Variants in SLC2A9 observed in about 807,000 individuals in gnomAD.
SLC2A9 encodes the protein solute carrier family 2, facilitated glucose transporter member 9.
Under a neutral mutation model 50.6 loss-of-function variants are expected in SLC2A9, and 39 were observed. The observed-to-expected ratio is 0.77, with a 90% CI of 0.60 to 1.01. SLC2A9 has a LOEUF of 1.01. Ranked by LOEUF, SLC2A9 falls within the 50% of genes least tolerant of loss-of-function variation. SLC2A9 has a pLI of 0.00. For missense variants in SLC2A9, 686 were observed against 677.6 expected (o/e 1.01, Z -0.14); for synonymous variants, 324 against 276.9 (o/e 1.17, Z -1.69).
At chr4:9,888,502 C>T (rs568888141) in intron 9 of SLC2A9, among the ~76,000 whole-genome samples, 51 of 152,166 alleles carry the variant, frequency 3.4e-4, no homozygotes, top group South Asian at 1.0e-3. Context: ...GTTGGGATTG[C>T]TCCTGCTCTA....
intron 3 of SLC2A9, among the ~76,000 whole-genome samples, chr4:9,810,351 C>G (rs190812657): frequency 4.1e-4 from 63 of 152,270 alleles, no homozygotes; most frequent in African/African-American, 1.4e-3. Flanking sequence ...CCTTAATTTC[C>G]TCTGAGATGA....
intron 3 of SLC2A9, among the ~76,000 whole-genome samples, chr4:9,991,143 G>A (rs753241163): frequency 6.6e-6 from 1 of 152,196 alleles, no homozygotes; most frequent in Non-Finnish European, 1.5e-5. Context: ...CCCCAAGTGA[G>A]GCTAAACTTG....
At chr4:9,782,635 C>T in intron 3 of SLC2A9, 1 of 1,614,018 alleles carries the variant, frequency 6.2e-7, no homozygotes, top group Non-Finnish European at 8.5e-7. Flanking sequence ...ACTGGACGCC[C>T]TGGGAGGAGG....
intron 5 of SLC2A9, among the ~76,000 whole-genome samples, chr4:9,977,697 C>T (rs535959342): frequency 6.6e-6 from 1 of 152,242 alleles, no homozygotes; most frequent in South Asian, 2.1e-4. Context: ...AAATCCTACT[C>T]ATCCTCAAGC....
chr4:9,971,029 A>G (rs1454436675), intron 5 of SLC2A9, among the ~76,000 whole-genome samples: 2 of 152,140 alleles, frequency 1.3e-5, no homozygotes, highest in African/African-American at 2.4e-5. Flanking sequence ...CGACCCTTTC[A>G]TGTAAAATCT....
At position 9,856,679 on chromosome 4, in the gene SLC2A9, AAC is replaced by A. The variant is rs1560198627; in HGVS notation, c.1292-21673_1292-21672del. Among the ~76,000 whole-genome samples, 788 of 152,202 alleles carry A rather than the reference AAC, an allele frequency of 5.2e-3. 2 individuals carry two copies. Among genetic ancestry groups the A allele is most frequent in the Non-Finnish European group, 8.4e-3 (572 of 67,978 alleles). ...GATGCATGTGTATGTTCATTGCAGC[AAC>A]TATTCACAATAGCAAAGACATAGAG... is the stretch of plus-strand genomic sequence containing the variant. On this transcript the variant is annotated intron_variant, in intron 10 of 11. Coordinates refer to ENST00000264784, the MANE Select transcript of SLC2A9 (RefSeq NM_020041.3).
chr4:9,861,192 T>C (rs929458927), intron 10 of SLC2A9, among the ~76,000 whole-genome samples: 1 of 152,166 alleles, frequency 6.6e-6, no homozygotes, highest in Admixed American at 6.5e-5. Flanking sequence ...TCTACTCAGC[T>C]TCTGCGGAGG....
chr4:9,806,008 T>G (rs77026746), intron 3 of SLC2A9, among the ~76,000 whole-genome samples: 2,628 of 152,314 alleles, frequency 0.017, 39 homozygotes, highest in Non-Finnish European at 0.027. Context: ...CTAGGCTCTC[T>G]GGCTCCAGGG....
intron 8 of SLC2A9, among the ~76,000 whole-genome samples, chr4:9,902,306 T>C (rs985640307): frequency 6.6e-6 from 1 of 152,230 alleles, no homozygotes; most frequent in Non-Finnish European, 1.5e-5. Flanking sequence ...GACCTTTGTC[T>C]GTTTTGTCCA....
At chr4:9,971,017 C>T (rs1056708038) in intron 5 of SLC2A9, among the ~76,000 whole-genome samples, 1 of 152,168 alleles carries the variant, frequency 6.6e-6, no homozygotes, top group African/African-American at 2.4e-5. Flanking sequence ...TCAAATCAAT[C>T]ACGACCCTTT....
chr4:9,976,691 A>G (rs1239966241), intron 5 of SLC2A9, among the ~76,000 whole-genome samples: 2 of 152,240 alleles, frequency 1.3e-5, no homozygotes, highest in South Asian at 2.1e-4. Context: ...CCTTTTGGCT[A>G]GCTCAAAGCC....
intron 10 of SLC2A9, among the ~76,000 whole-genome samples, chr4:9,858,344 G>A (rs1033413974): frequency 5.9e-5 from 9 of 152,190 alleles, no homozygotes; most frequent in African/African-American, 2.2e-4. Flanking sequence ...GTGTCTTTGT[G>A]ACTGTCTAGG....
intron 7 of SLC2A9, among the ~76,000 whole-genome samples, chr4:9,919,976 T>C (rs1743597559): frequency 6.6e-6 from 1 of 152,126 alleles, no homozygotes; most frequent in Non-Finnish European, 1.5e-5. Context: ...GCCTTGAGGT[T>C]TTTTTCAAGC....
chr4:9,836,088 C>CAAAAAAAAAAAA (rs35303241), intron 10 of SLC2A9, among the ~76,000 whole-genome samples: 14 of 48,196 alleles, frequency 2.9e-4, no homozygotes, highest in Non-Finnish European at 3.1e-4. Context: ...AACTCCCTCT[C>CAAAAAAAAAAAA]AAAAAAAAAA....
chr4:9,818,490 G>A (rs1723945721), intron 3 of SLC2A9, among the ~76,000 whole-genome samples: 1 of 152,218 alleles, frequency 6.6e-6, no homozygotes, highest in South Asian at 2.1e-4. Flanking sequence ...TTACAACATG[G>A]CCAGCTGGGG....
At chr4:9,826,013 C>T (rs1434660888), downstream of SLC2A9, among the ~76,000 whole-genome samples, 2 of 152,132 alleles carry the variant, frequency 1.3e-5, no homozygotes, top group African/African-American at 4.8e-5. Context: ...CCGTTGAGTC[C>T]CCTATCAGAC....
At chr4:9,879,210 A>G (rs1734793949) in intron 10 of SLC2A9, 2 of 985,244 alleles carry the variant, frequency 2.0e-6, no homozygotes, top group African/African-American at 3.5e-5. Context: ...GTGGGAGCCC[A>G]GAGGGGCGGG....
At chr4:9,926,010 G>A (rs995773419) in intron 6 of SLC2A9, among the ~76,000 whole-genome samples, 5 of 152,120 alleles carry the variant, frequency 3.3e-5, no homozygotes, top group Admixed American at 6.5e-5. Flanking sequence ...ACTGCAAGCA[G>A]ATGAGATGGA....
chr4:9,951,597 A>G (rs1025968553), intron 5 of SLC2A9, among the ~76,000 whole-genome samples: 1 of 150,850 alleles, frequency 6.6e-6, no homozygotes, highest in African/African-American at 2.5e-5. Flanking sequence ...TAAATGTCAA[A>G]ATGTCAATAT....
Sources: gnomAD v4.1 joint callset for allele counts (sites outside exome capture counted in the v4.1 genomes callset) on GRCh38, gnomAD v4.1.1 for gene constraint, MANE v1.5 for transcripts, NCBI Gene and HGNC (gene_info 2026-07-23, HGNC 2026-07-21) for gene names.